Variants in CTNNA2 observed in about 807,000 individuals in gnomAD.
The protein encoded by CTNNA2 is catenin alpha-2.
In CTNNA2, 42 loss-of-function variants were observed where a neutral mutation model predicts 101.0. The ratio of observed to expected loss-of-function variants is 0.42; its 90% CI spans 0.32 to 0.54. The LOEUF is 0.54. Ranked by LOEUF, CTNNA2 falls within the 20% of genes least tolerant of loss-of-function variation. CTNNA2 has a pLI of 0.14. For synonymous variants in CTNNA2, 450 were observed against 456.4 expected (o/e 0.99, Z 0.18); for missense variants, 871 against 1,223.1 (o/e 0.71, Z 4.29).
intron 3 of CTNNA2, among the ~76,000 whole-genome samples, chr2:79,338,578 ATC>A (rs1677053651): frequency 8.5e-5 from 10 of 117,808 alleles, no homozygotes; most frequent in African/African-American, 3.3e-4. Context: ...CCTCCTCATC[ATC>A]TTCTTCTTCT....
At chr2:80,512,866 C>A (rs1007547836) in intron 9 of CTNNA2, among the ~76,000 whole-genome samples, 1 of 151,778 alleles carries the variant, frequency 6.6e-6, no homozygotes, top group African/African-American at 2.4e-5. Context: ...GCACTATGGC[C>A]TTTTGGAGGG....
In CTNNA2 at chr2:79,641,043, A is replaced by G. The variant is rs935971962; in HGVS notation, c.-5-10509A>G. 2.0e-5 allele frequency among the ~76,000 whole-genome samples: 3 copies of G among 152,308 alleles called. No homozygotes were observed. The East Asian group carries it at 5.8e-4, about 29-fold the overall frequency. On this transcript the variant is annotated intron_variant, in intron 1 of 18. Transcript: ENST00000402739. ...GTAGAAACTTTAGGAAGAGGCATGAACCATGTGTTGTAATGTTATACCCTG... is the reference window on the plus strand; with the variant it reads ...GTAGAAACTTTAGGAAGAGGCATGAGCCATGTGTTGTAATGTTATACCCTG...
At chr2:80,003,293 T>C (rs183378826) in intron 7 of CTNNA2, among the ~76,000 whole-genome samples, 2,663 of 152,332 alleles carry the variant, frequency 0.017, 44 homozygotes, top group Non-Finnish European at 0.03. Context: ...AATTGAGTTA[T>C]TACTTCTACC....
intron 7 of CTNNA2, among the ~76,000 whole-genome samples, chr2:80,064,631 A>G (rs933438140): frequency 2.0e-5 from 3 of 152,212 alleles, no homozygotes; most frequent in Non-Finnish European, 2.9e-5. Context: ...CTGTTGGTCA[A>G]TGGCACGTCA....
chr2:79,457,107 C>T (rs974353041), intron 4 of CTNNA2, among the ~76,000 whole-genome samples: 31 of 150,794 alleles, frequency 2.1e-4, no homozygotes, highest in Admixed American at 1.9e-3. Context: ...GAGGCTGAGG[C>T]AGGAGAATGG....
intron 18 of CTNNA2, among the ~76,000 whole-genome samples, chr2:80,638,991 C>G (rs78996308): frequency 1.3e-5 from 2 of 152,308 alleles, no homozygotes; most frequent in East Asian, 3.9e-4. Flanking sequence ...AACTGGCCTT[C>G]AGCACTGGCT....
intron 9 of CTNNA2, among the ~76,000 whole-genome samples, chr2:80,541,893 G>GT (rs1691588602): frequency 1.2e-5 from 1 of 85,832 alleles, no homozygotes; most frequent in Non-Finnish European, 2.6e-5. Flanking sequence ...TTTTCTAAAT[G>GT]TTTTTTAATA....
chr2:79,948,368 C>T (rs1439500684), intron 7 of CTNNA2, among the ~76,000 whole-genome samples: 2 of 152,170 alleles, frequency 1.3e-5, no homozygotes, highest in African/African-American at 2.4e-5. Flanking sequence ...AGGAATACCA[C>T]GTCATTATGA....
intron 3 of CTNNA2, among the ~76,000 whole-genome samples, chr2:79,746,436 G>T (rs1671652532): frequency 6.6e-6 from 1 of 152,170 alleles, no homozygotes; most frequent in African/African-American, 2.4e-5. Flanking sequence ...GTAGTTGAAA[G>T]TTCTAAGGAC....
chr2:79,764,190 A>C (rs746985207), intron 3 of CTNNA2, among the ~76,000 whole-genome samples: 35 of 152,230 alleles, frequency 2.3e-4, no homozygotes. Flanking sequence ...ACTGAACAAC[A>C]TACAGTAAAT....
chr2:79,394,088 A>G (rs559663200), intron 4 of CTNNA2, among the ~76,000 whole-genome samples: 9 of 152,204 alleles, frequency 5.9e-5, no homozygotes, highest in African/African-American at 1.7e-4. Context: ...GTGGTCACGT[A>G]CACTCACCAA....
At chr2:80,436,957 A>C (rs1215466136) in intron 9 of CTNNA2, among the ~76,000 whole-genome samples, 1 of 152,212 alleles carries the variant, frequency 6.6e-6, no homozygotes, top group Non-Finnish European at 1.5e-5. Context: ...CCTAATTCCC[A>C]GAGTGATAGT....
intron 1 of CTNNA2, among the ~76,000 whole-genome samples, chr2:79,607,346 T>C (rs1428868760): frequency 6.6e-6 from 1 of 152,136 alleles, no homozygotes; most frequent in African/African-American, 2.4e-5. Flanking sequence ...ATGGAGCAAG[T>C]AGACAGAAAA....
At chr2:80,060,256 A>C (rs1367231301) in intron 7 of CTNNA2, among the ~76,000 whole-genome samples, 2 of 152,182 alleles carry the variant, frequency 1.3e-5, no homozygotes, top group Non-Finnish European at 2.9e-5. Flanking sequence ...GAGCTGAGTC[A>C]AGGCCTGGAG....
At chr2:79,752,892 C>T (rs147283490) in intron 3 of CTNNA2, among the ~76,000 whole-genome samples, 9 of 152,210 alleles carry the variant, frequency 5.9e-5, no homozygotes, top group African/African-American at 2.2e-4. Context: ...AAAGACAGTT[C>T]AGGGTTGCAT....
At chr2:79,535,297 T>G (rs1672987181) in intron 1 of CTNNA2, among the ~76,000 whole-genome samples, 1 of 152,094 alleles carries the variant, frequency 6.6e-6, no homozygotes, top group Admixed American at 6.5e-5. Context: ...CTCTGCCTCC[T>G]GGGTTCAAGT....
intron 9 of CTNNA2, among the ~76,000 whole-genome samples, chr2:80,534,109 A>G (rs1690781726): frequency 6.6e-6 from 1 of 152,186 alleles, no homozygotes; most frequent in South Asian, 2.1e-4. Flanking sequence ...TAATTTGGGC[A>G]GAGGCATGCA....
intron 7 of CTNNA2, among the ~76,000 whole-genome samples, chr2:80,035,586 C>G (rs1007724464): frequency 6.6e-6 from 1 of 152,064 alleles, no homozygotes; most frequent in Non-Finnish European, 1.5e-5. Context: ...CATGAAGTCC[C>G]AGAGTGCCTG....
intron 3 of CTNNA2, among the ~76,000 whole-genome samples, chr2:79,753,077 C>G (rs1672152642): frequency 6.6e-6 from 1 of 152,128 alleles, no homozygotes; most frequent in Admixed American, 6.5e-5. Context: ...GATACTTGAC[C>G]ACTATTGGAG....
Sources: allele counts gnomAD v4.1 joint callset (sites outside exome capture counted in the v4.1 genomes callset), GRCh38; gene constraint gnomAD v4.1.1; transcripts MANE v1.5; gene names NCBI Gene and HGNC (gene_info 2026-07-23, HGNC 2026-07-21).